The following SYNE3 variants were observed in gnomAD, a reference collection of about 807,000 sequenced individuals.
SYNE3 encodes nesprin-3.
In SYNE3, 100 loss-of-function variants were observed where a neutral mutation model predicts 111.2. The ratio of observed to expected loss-of-function variants is 0.90; its 90% CI spans 0.77 to 1.06. The LOEUF is 1.06. SYNE3 is among the 50% of genes least tolerant of loss of function. The probability of loss-of-function intolerance (pLI) is 0.00; values close to 1 mark genes in which losing one functional copy is unlikely to be tolerated. For synonymous variants in SYNE3, 547 were observed against 533.9 expected (o/e 1.02, Z -0.34); for missense variants, 1,160 against 1,240.3 (o/e 0.94, Z 0.97).
At chr14:95,509,947 C>G (rs1890664834) in intron 1 of SYNE3, among the ~76,000 whole-genome samples, 1 of 152,138 alleles carries the variant, frequency 6.6e-6, no homozygotes, top group Admixed American at 6.6e-5. Flanking sequence ...CCATCTTGGC[C>G]CTGAAGTACC....
At chr14:95,446,162 A>T in intron 8 of SYNE3, 71 bp from the exon 9 acceptor site, 2 of 1,562,890 alleles carry the variant, frequency 1.3e-6, no homozygotes, top group South Asian at 1.2e-5. Context: ...CCAGGGGCAC[A>T]ACTGTTCTGG....
Position 95,467,886 on chromosome 14 carries a change from G to A in SYNE3, c.226C>T (p.Pro76Ser), listed in dbSNP as rs1422502689. 1.2e-6 allele frequency: 2 copies of A among 1,614,212 alleles called. No individual in the cohort carries two copies. The highest frequency in any genetic ancestry group is 1.7e-6 in the Non-Finnish European group (2 of 1,180,032). ...RMAEALLACC[P>S]GDQKPGILAR... is the part of the protein sequence containing the mutation. ...AGGATCCCGGGCTTCTGGTCCCCAG[G>A]GCAGCATGCCAAGAGGGCTTCAGCC... Residue 76 changes from proline to serine, a missense_variant, in exon 3 of 18, where the codon CCT (proline) becomes TCT (serine). Pro to Ser is a moderately conservative substitution (Grantham distance 74). Coordinates refer to ENST00000682763, the MANE Select transcript of SYNE3 (RefSeq NM_152592.6).
intron 1 of SYNE3, among the ~76,000 whole-genome samples, chr14:95,507,579 C>T (rs576804619): frequency 1.3e-5 from 2 of 152,284 alleles, no homozygotes; most frequent in African/African-American, 2.4e-5. Context: ...GGTGTTTTTA[C>T]CCAGATGGAG....
chr14:95,499,464 C>T (rs1417854230), intron 1 of SYNE3, among the ~76,000 whole-genome samples: 1 of 152,102 alleles, frequency 6.6e-6, no homozygotes, highest in Non-Finnish European at 1.5e-5. Context: ...CCTGCTGGTC[C>T]CTCTGCCCTT....
At chr14:95,497,368 A>G (rs1890136461) in intron 1 of SYNE3, among the ~76,000 whole-genome samples, 1 of 152,244 alleles carries the variant, frequency 6.6e-6, no homozygotes, top group South Asian at 2.1e-4. Context: ...ATATTGGTAA[A>G]GTGCTTAGAA....
At chr14:95,425,450 G>GGAGGGATGAGTAGGTGGA (rs1885379678) in intron 17 of SYNE3, among the ~76,000 whole-genome samples, 1 of 152,166 alleles carries the variant, frequency 6.6e-6, no homozygotes, top group Non-Finnish European at 1.5e-5. Flanking sequence ...GGAGAGGTGG[G>GGAGGGATGAGTAGGTGGA]GAGGGATGAG....
At chr14:95,487,195 T>C (rs548002380) in intron 1 of SYNE3, among the ~76,000 whole-genome samples, 1 of 152,366 alleles carries the variant, frequency 6.6e-6, no homozygotes, top group African/African-American at 2.4e-5. Context: ...TAGAAGCGAC[T>C]TCTCCTTTCT....
At position 95,477,668 on chromosome 14, in the gene SYNE3, G is replaced by A. The variant is rs1240217356; in HGVS notation, c.-14-1833C>T. Reference sequence around the variant, plus strand: ...GATGTGGGCTGGCCAGGGGGAGGTGGGCGACGTAGCGGGCTGTGCTCTGGA... The same window carrying A: ...GATGTGGGCTGGCCAGGGGGAGGTGAGCGACGTAGCGGGCTGTGCTCTGGA... On this transcript the variant is annotated intron_variant, in intron 1 of 17. Coordinates refer to ENST00000682763, the MANE Select transcript of SYNE3 (RefSeq NM_152592.6). Among the ~76,000 whole-genome samples, 3 of 152,238 alleles carry A rather than the reference G, an allele frequency of 2.0e-5. No homozygotes were observed. In the East Asian group the frequency reaches 5.8e-4, roughly 30 times the overall value.
At chr14:95,462,319 G>C (rs1262027012) in intron 4 of SYNE3, among the ~76,000 whole-genome samples, 1 of 152,234 alleles carries the variant, frequency 6.6e-6, no homozygotes, top group African/African-American at 2.4e-5. Flanking sequence ...CGGGCTCCCT[G>C]TGAGTGAGAA....
Position 95,485,963 on chromosome 14 carries a change from G to A in SYNE3, c.-14-10128C>T, listed in dbSNP as rs1256603383. Reference sequence around the variant, plus strand: ...CAGGGGAGGGACAGAGGTGCAGACAGCAGCCTGCACTCAAGGGGTACACTG... The same window carrying A: ...CAGGGGAGGGACAGAGGTGCAGACAACAGCCTGCACTCAAGGGGTACACTG... On this transcript the variant is annotated intron_variant, in intron 1 of 17. Coordinates refer to ENST00000682763, the MANE Select transcript of SYNE3 (RefSeq NM_152592.6). This position sits in a 1 kb window ranked among gnomAD's most constrained non-coding sequence, Gnocchi z 4.3. Among the ~76,000 whole-genome samples, 2 of 152,196 alleles carry A rather than the reference G, an allele frequency of 1.3e-5. No individual in the cohort carries two copies. The highest frequency in any genetic ancestry group is 1.9e-4 in the East Asian group (1 of 5,178).
rs1366667162 is a variant in SYNE3 at position 95,455,427 on chromosome 14, C to T, written c.1087G>A (p.Ala363Thr). 6.3e-7 allele frequency: 1 copy of T among 1,575,850 alleles called. No individual in the cohort carries two copies. The highest frequency in any genetic ancestry group is 8.6e-7 in the Non-Finnish European group (1 of 1,162,098). ...RLAQEGLQPAAKAGTEDELVA... is the reference protein window; with the variant it reads ...RLAQEGLQPATKAGTEDELVA... ...AGCTCGTCCTCGGTCCCCGCTTTCG[C>T]CGCAGGCTGCAGGCCCTCCTGGGCC... The change falls in exon 6 of 18, where the codon GCG becomes ACG. Residue 363 changes from alanine to threonine, a missense_variant. By Grantham distance (58) the Ala-to-Thr change is moderately conservative (BLOSUM62 0). Transcript: ENST00000682763.
intron 14 of SYNE3, 176 bp downstream of exon 14, chr14:95,438,857 A>T: frequency 1.2e-6 from 1 of 834,486 alleles, no homozygotes; most frequent in Non-Finnish European, 1.9e-6. Context: ...TCTGTGGAGT[A>T]GGATCAAATG....
rs1887420354 is a variant in SYNE3, at chr14:95,456,042, C to T, written c.790-318G>A. 6 of 418,130 alleles carry T rather than the reference C, an allele frequency of 1.4e-5. No individual in the cohort carries two copies. The South Asian group carries it at 3.0e-4, about 21-fold the overall frequency. The allele number at this position is 418,130 out of a possible 1,614,324, so 25.9% of individuals were successfully genotyped here. On this transcript the variant is annotated intron_variant, in intron 5 of 17. Transcript: ENST00000682763. ...TCCTTTCCATGCCTTCAGCTGGAAA[C>T]AGTGTGGAGCCAAATAGAACCAAAT...
chr14:95,509,648 G>C (rs939367984), intron 1 of SYNE3, among the ~76,000 whole-genome samples: 1 of 152,238 alleles, frequency 6.6e-6, no homozygotes, highest in African/African-American at 2.4e-5. Context: ...GGCTACCCCA[G>C]TGCGTCAGCC....
intron 1 of SYNE3, among the ~76,000 whole-genome samples, chr14:95,483,384 G>C (rs560206619): frequency 1.3e-5 from 2 of 152,238 alleles, no homozygotes; most frequent in East Asian, 3.9e-4. Flanking sequence ...CGGCTGTCCT[G>C]TGACTCATTC....
intron 1 of SYNE3, among the ~76,000 whole-genome samples, chr14:95,509,648 G>A (rs939367984): frequency 6.6e-6 from 1 of 152,238 alleles, no homozygotes; most frequent in African/African-American, 2.4e-5. Context: ...GGCTACCCCA[G>A]TGCGTCAGCC....
Position 95,410,590 on chromosome 14 carries a change from T to A in SYNE3, c.*7236A>T, listed in dbSNP as rs969568321. On this transcript the variant is annotated 3_prime_UTR_variant, in exon 18 of 18. Transcript: ENST00000682763. ...GAGGTACAGCAAGCATCCTGGGCCA[T>A]GAAGTGACTGTGATATAAAGGAAGG... 1 of 152,264 alleles carries A rather than the reference T, an allele frequency of 6.6e-6. No individual in the cohort carries two copies. Among genetic ancestry groups the A allele is most frequent in the Admixed American group, 6.5e-5 (1 of 15,286 alleles). The allele number at this position is 152,264 out of a possible 1,614,324, so 9.4% of individuals were successfully genotyped here.
intron 10 of SYNE3, chr14:95,443,913 C>G (rs1449083629): frequency 6.5e-6 from 1 of 152,788 alleles, no homozygotes; most frequent in African/African-American, 2.4e-5. Context: ...AGGCAATCTG[C>G]TCACCTCCCA....
rs1269433379 is a variant in SYNE3 at position 95,500,263 on chromosome 14, G to A, written c.-15+16333C>T. 6.6e-6 allele frequency among the ~76,000 whole-genome samples: 1 copy of A among 152,218 alleles called. No individual in the cohort carries two copies. On this transcript the variant is annotated intron_variant, in intron 1 of 17. Coordinates refer to ENST00000682763, the MANE Select transcript of SYNE3 (RefSeq NM_152592.6). This position sits in a 1 kb window ranked among gnomAD's most constrained non-coding sequence, Gnocchi z 4.7. ...AGGTCGACTGTTAACAGGCTGTACA[G>A]GTTATAATTAGTACCTGCTTGTTCC...
Sources: gnomAD v4.1 joint callset for allele counts (sites outside exome capture counted in the v4.1 genomes callset) on GRCh38, gnomAD v4.1.1 for gene constraint, Gnocchi (gnomAD v3.1) non-coding constraint, MANE v1.5 for transcripts, NCBI Gene and HGNC (gene_info 2026-07-23, HGNC 2026-07-21) for gene names.